The following LIMD2 variants were observed in gnomAD, a reference collection of about 807,000 sequenced individuals.
The protein encoded by LIMD2 is LIM domain containing 2.
LIMD2 carries 11 observed loss-of-function variants against 16.0 expected under a neutral mutation model. The ratio of observed to expected loss-of-function variants is 0.69; its 90% CI spans 0.43 to 1.14. The LOEUF (loss-of-function observed/expected upper bound fraction) is 1.14. Ranked by LOEUF, LIMD2 falls within the 50% of genes most tolerant of loss-of-function variation. The pLI, the probability that LIMD2 is intolerant of heterozygous loss-of-function variation, is 0.00. For synonymous variants in LIMD2, 60 were observed against 67.1 expected (o/e 0.89, Z 0.52); for missense variants, 168 against 165.8 (o/e 1.01, Z -0.07).
rs1222330290 is a variant in LIMD2, at chr17:63,698,685, C to T, written c.251G>A (p.Gly84Glu). ...GAAGTGGGGTTTGCAGTAGAACTCC[C>T]CGTGCAGCGCGGCGTAGCTGCCCAG... ...LSLGSYAALHGEFYCKPHFQQ... is the reference protein window; with the variant it reads ...LSLGSYAALHEEFYCKPHFQQ... The change falls in exon 5 of 5, where the codon GGG becomes GAG. Residue 84 changes from glycine (G) to glutamate (E), a missense_variant. Coordinates refer to ENST00000259006, the MANE Select transcript of LIMD2 (RefSeq NM_030576.4). The T allele has an allele frequency of 2.5e-6, 4 of 1,613,562 alleles. No individual in the cohort carries two copies. Among genetic ancestry groups the T allele is most frequent in the African/African-American group, 1.3e-5 (1 of 74,924 alleles).
chr17:63,698,923 C>T lies in LIMD2; in HGVS notation c.100G>A (p.Ala34Thr). ...GCGGCGCAGGTCTCCTTCACCTGGG[C>T]CCGCAGGCTGAAGGACTGTGCGGGA... ...VQRSKSFSLR[A>T]QVKETCAACQ... The change falls in exon 4 of 5, where the codon GCC (alanine) becomes ACC (threonine). Residue 34 changes from alanine (A) to threonine (T), a missense_variant. By Grantham distance (58) the Ala-to-Thr change is moderately conservative. Coordinates refer to ENST00000259006, the MANE Select transcript of LIMD2 (RefSeq NM_030576.4). 2 of 1,612,792 alleles carry T rather than the reference C, an allele frequency of 1.2e-6. No homozygotes were observed. Among genetic ancestry groups the T allele is most frequent in the Non-Finnish European group, 1.7e-6 (2 of 1,179,934 alleles).
chr17:63,700,268 TC>T (rs1290417104), upstream of LIMD2: 1 of 556,952 alleles, frequency 1.8e-6, no homozygotes, highest in Non-Finnish European at 2.3e-6. This position sits in a 1 kb window ranked among gnomAD's most constrained non-coding sequence, Gnocchi z 7.1. Flanking sequence ...CGCTTTGTCT[TC>T]CCCTCGCCGC....
rs1568162890 is a variant in LIMD2 at position 63,699,051 on chromosome 17, T to TGCC, written c.58_60dup (p.Gly20dup). ...ACCTTGGAGCGCTGCACCGTGCTGC[T>TGCC]GCCGCCGCCTTTGGCGTCCTGAGGG... is the stretch of plus-strand genomic sequence containing the variant. On this transcript the variant is annotated inframe_insertion, in exon 3 of 5. Transcript: ENST00000259006. The TGCC allele has an allele frequency of 1.9e-6, 3 of 1,606,800 alleles. No homozygotes were observed. The highest frequency in any genetic ancestry group is 2.2e-5 in the East Asian group (1 of 44,686).
In LIMD2 at chr17:63,698,487, TCCTTCCCA is replaced by T. The variant is rs2035726943; in HGVS notation, c.*57_*64del. The T allele has an allele frequency of 6.4e-7, 1 of 1,563,830 alleles. No homozygotes were observed. Among genetic ancestry groups the T allele is most frequent in the African/African-American group, 1.4e-5 (1 of 73,748 alleles). The stretch of plus-strand genomic sequence containing the variant: ...GCCCCCACGCAAGCCCAGCTCGACC[TCCTTCCCA>T]CCTTCCCCCTGCCGGCTCCAGGCCT... On this transcript the variant is annotated 3_prime_UTR_variant, in exon 5 of 5. Coordinates refer to ENST00000259006, the MANE Select transcript of LIMD2 (RefSeq NM_030576.4).
chr17:63,699,567 A>C, intron 1 of LIMD2: 1 of 430,942 alleles, frequency 2.3e-6, no homozygotes, highest in Non-Finnish European at 4.0e-6. Context: ...GGAAGAACAA[A>C]GTTAGCGGGA....
intron 1 of LIMD2, 124 bp downstream of exon 1, chr17:63,699,908 G>C (rs1218837068): frequency 1.0e-6 from 1 of 984,240 alleles, no homozygotes; most frequent in Non-Finnish European, 1.2e-6. Context: ...ACTCGAGCCT[G>C]TGCGCCCCGG....
chr17:63,699,836 C>T (rs990861476), intron 1 of LIMD2, 196 bp downstream of exon 1: 34 of 983,638 alleles, frequency 3.5e-5, no homozygotes, highest in Middle Eastern at 1.0e-3. Context: ...CAGACCCCGA[C>T]GCCGCGAGCC....
rs1032045179 is a variant in LIMD2 at position 63,696,382 on chromosome 17, T to G, written c.*2170A>C. On this transcript the variant is annotated 3_prime_UTR_variant, in exon 5 of 5. Coordinates refer to ENST00000259006, the MANE Select transcript of LIMD2 (RefSeq NM_030576.4). ...TTTGCTTAGCAGGGGCCAGGTATGGTGCCTGGCAACGAGCCTGGGCCTTTC... is the reference window on the plus strand; with the variant it reads ...TTTGCTTAGCAGGGGCCAGGTATGGGGCCTGGCAACGAGCCTGGGCCTTTC... The G allele has an allele frequency of 1.3e-5, 2 of 152,442 alleles. No individual in the cohort carries two copies. The highest frequency in any genetic ancestry group is 4.8e-5 in the African/African-American group (2 of 41,352). 9.4% of individuals were successfully genotyped at this position (152,442 alleles called of 1,614,324 possible).
Position 63,698,688 on chromosome 17 carries a change from T to A in LIMD2, c.248A>T (p.His83Leu). 3 of 1,613,166 alleles carry A rather than the reference T, an allele frequency of 1.9e-6. No individual in the cohort carries two copies. The highest frequency in any genetic ancestry group is 1.7e-6 in the Non-Finnish European group (2 of 1,179,888). ...KLSLGSYAAL[H>L]GEFYCKPHFQ... is the part of the protein sequence containing the mutation. ...GTGGGGTTTGCAGTAGAACTCCCCG[T>A]GCAGCGCGGCGTAGCTGCCCAGGCT... is the stretch of plus-strand genomic sequence containing the variant. Residue 83 changes from histidine (H) to leucine (L), a missense_variant, in exon 5 of 5, where the codon CAC becomes CTC. Coordinates refer to ENST00000259006, the MANE Select transcript of LIMD2 (RefSeq NM_030576.4).
In LIMD2 at chr17:63,698,181, C is replaced by T. The variant is rs529136981; in HGVS notation, c.*371G>A. 2.3e-5 allele frequency: 6 copies of T among 261,052 alleles called. No homozygotes were observed. The highest frequency in any genetic ancestry group is 8.9e-5 in the African/African-American group (4 of 44,732). 16.2% of individuals were successfully genotyped at this position (261,052 alleles called of 1,614,324 possible). A position where few individuals can be genotyped will look rare whatever the true frequency, so the allele number is the denominator to read the frequency against. ...GGAGACGTGGGGGCCACACAGTCTC[C>T]GGTGGCAGTGAGGGAGCTTGGGACC... is the stretch of plus-strand genomic sequence containing the variant. On this transcript the variant is annotated 3_prime_UTR_variant, in exon 5 of 5. Transcript: ENST00000259006.
At chr17:63,698,740 C>A in intron 4 of LIMD2, 29 bp from the exon 5 acceptor site, 1 of 1,612,064 alleles carries the variant, frequency 6.2e-7, no homozygotes, top group Non-Finnish European at 8.5e-7. Flanking sequence ...GGCGTCAGGT[C>A]AGGTCAGGTC....
chr17:63,699,985 C>G (rs1409966194), intron 1 of LIMD2, 47 bp downstream of exon 1: 9 of 983,994 alleles, frequency 9.1e-6, no homozygotes, highest in Non-Finnish European at 1.1e-5. Flanking sequence ...CTCGGCGCCT[C>G]TCCCGGTTCC....
chr17:63,699,193 C>T (rs2035744400), intron 2 of LIMD2, 64 bp downstream of exon 2: 3 of 1,599,108 alleles, frequency 1.9e-6, no homozygotes, highest in African/African-American at 1.3e-5. Flanking sequence ...ACTCTGATGC[C>T]TCTCCCCTTC....
Position 63,696,619 on chromosome 17 carries a change from T to C in LIMD2, c.*1933A>G, listed in dbSNP as rs968843163. 1.3e-5 allele frequency: 2 copies of C among 152,342 alleles called. No individual in the cohort carries two copies. Among genetic ancestry groups the C allele is most frequent in the Admixed American group, 6.5e-5 (1 of 15,284 alleles). 9.4% of individuals were successfully genotyped at this position (152,342 alleles called of 1,614,324 possible). On this transcript the variant is annotated 3_prime_UTR_variant, in exon 5 of 5. Transcript: ENST00000259006. ...CTGAGTTCCCGGAGCTTTCATGATA[T>C]TTGGTAGGGTCTTCCTGGCCCAGAG... is the stretch of plus-strand genomic sequence containing the variant.
chr17:63,699,430 G>C lies in LIMD2; in HGVS notation c.-50-82C>G, dbSNP rs2035749990. ...GGGGGGTGTTGACAGGCAGGGGCTG[G>C]GGGGATTGCGGTTGGGACTTTCCCT... On this transcript the variant is annotated intron_variant, in intron 1 of 4. Transcript: ENST00000259006. 7 of 1,351,238 alleles carry C rather than the reference G, an allele frequency of 5.2e-6. No individual in the cohort carries two copies. In the South Asian group the frequency reaches 7.5e-5, roughly 15 times the overall value. 83.7% of individuals were successfully genotyped at this position (1,351,238 alleles called of 1,614,324 possible). A position where few individuals can be genotyped will look rare whatever the true frequency, so the allele number is the denominator to read the frequency against.
rs958269188 is a variant in LIMD2 at position 63,699,833 on chromosome 17, C to G, written c.-51+199G>C. On this transcript the variant is annotated intron_variant, in intron 1 of 4. Coordinates refer to ENST00000259006, the MANE Select transcript of LIMD2 (RefSeq NM_030576.4). ...CCCGCGAGGACCGGACCCCAGACCC[C>G]GACGCCGCGAGCCCCGCCAGCGGGT... The G allele has an allele frequency of 3.6e-3, 3,578 of 984,100 alleles. 96 individuals are homozygous for G. In the African/African-American group the frequency reaches 0.058, roughly 16 times the overall value. 61.0% of individuals were successfully genotyped at this position (984,100 alleles called of 1,614,324 possible).
chr17:63,700,890 C>T (rs573010636), upstream of LIMD2: 1 of 152,314 alleles, frequency 6.6e-6, no homozygotes, highest in South Asian at 2.1e-4. This position sits in a 1 kb window ranked among gnomAD's most constrained non-coding sequence, Gnocchi z 7.1. Context: ...GCGTGGTTCC[C>T]GGAGCACCCG....
In LIMD2 at chr17:63,698,364, C is replaced by G; in HGVS notation, c.*188G>C. 1 of 714,220 alleles carries G rather than the reference C, an allele frequency of 1.4e-6. No homozygotes were observed. The highest frequency in any genetic ancestry group is 2.9e-5 in the Admixed American group (1 of 33,964). The allele number at this position is 714,220 out of a possible 1,614,324, so 44.2% of individuals were successfully genotyped here. A position where few individuals can be genotyped will look rare whatever the true frequency, so the allele number is the denominator to read the frequency against. On this transcript the variant is annotated 3_prime_UTR_variant, in exon 5 of 5. Coordinates refer to ENST00000259006, the MANE Select transcript of LIMD2 (RefSeq NM_030576.4). ...CAGACCCCAATCCTGGTTTCCAAAC[C>G]CTCACCGGCTGCGGGAGAAGGAAGA...
chr17:63,700,013 C>G lies in LIMD2; in HGVS notation c.-51+19G>C. 1.0e-6 allele frequency: 1 copy of G among 984,188 alleles called. No homozygotes were observed. Among genetic ancestry groups the G allele is most frequent in the Non-Finnish European group, 1.2e-6 (1 of 829,356 alleles). The allele number at this position is 984,188 out of a possible 1,614,324, so 61.0% of individuals were successfully genotyped here. On this transcript the variant is annotated intron_variant, in intron 1 of 4. Transcript: ENST00000259006. This position sits in a 1 kb window ranked among gnomAD's most constrained non-coding sequence, Gnocchi z 7.1. Reference sequence around the variant, plus strand: ...CCGGTTCCGGAGCCGGACGCGGCCCCTCCCCCCGCGGCTCTCACCAGGCCC... The same window carrying G: ...CCGGTTCCGGAGCCGGACGCGGCCCGTCCCCCCGCGGCTCTCACCAGGCCC...
Sources: allele counts gnomAD v4.1 joint callset, GRCh38; gene constraint gnomAD v4.1.1; non-coding constraint Gnocchi (gnomAD v3.1); transcripts MANE v1.5; gene names NCBI Gene and HGNC (gene_info 2026-07-23, HGNC 2026-07-21).